WDR19: variants seen among roughly 807,000 people sequenced by gnomAD.
WDR19 encodes the protein WD repeat-containing protein 19.
In WDR19, 121 loss-of-function variants were observed where a neutral mutation model predicts 180.0. The observed-to-expected ratio is 0.67, with a 90% CI of 0.58 to 0.78. WDR19 has a LOEUF of 0.78. Among genes scored for constraint, WDR19 ranks in the 30% least tolerant of loss-of-function variants. The pLI is 0.00. For synonymous variants in WDR19, 497 were observed against 540.7 expected (o/e 0.92, Z 1.12); for missense variants, 1,450 against 1,640.7 (o/e 0.88, Z 2.01).
At chr4:39,224,852 A>AT (rs753332262) in intron 14 of WDR19, 32 bp from the exon 15 acceptor site, 63 of 1,471,048 alleles carry the variant, frequency 4.3e-5, no homozygotes, top group Middle Eastern at 4.4e-4. Context: ...TACCTTTTAT[A>AT]TTTTCATGGC....
At position 39,218,288 on chromosome 4, in the gene WDR19, C is replaced by T. The variant is rs577114034; in HGVS notation, c.1479+183C>T. Reference sequence around the variant, plus strand: ...TGCAGTGGGGATACATTCTGAGAAACGTGTCATTGGGCAATTTCATCATTG... The same window carrying T: ...TGCAGTGGGGATACATTCTGAGAAATGTGTCATTGGGCAATTTCATCATTG... On this transcript the variant is annotated intron_variant, in intron 14 of 36. Coordinates refer to ENST00000399820, the MANE Select transcript of WDR19 (RefSeq NM_025132.4). 534 of 800,486 alleles carry T rather than the reference C, an allele frequency of 6.7e-4. 1 individual carries two copies. In the African/African-American group the frequency reaches 7.3e-3, roughly 11 times the overall value. The allele number at this position is 800,486 out of a possible 1,614,324, so 49.6% of individuals were successfully genotyped here. A position where few individuals can be genotyped will look rare whatever the true frequency, so the allele number is the denominator to read the frequency against.
chr4:39,249,240 G>A (rs1273505276), intron 24 of WDR19, among the ~76,000 whole-genome samples: 1 of 152,108 alleles, frequency 6.6e-6, no homozygotes, highest in East Asian at 1.9e-4. Flanking sequence ...GCTCCTGAAT[G>A]ACTACTGGGT....
intron 23 of WDR19, among the ~76,000 whole-genome samples, chr4:39,245,064 G>A (rs1457139621): frequency 6.6e-6 from 1 of 151,118 alleles, no homozygotes; most frequent in Non-Finnish European, 1.5e-5. Flanking sequence ...AGCCTCCTGA[G>A]TAGCTGGGAT....
chr4:39,201,322 C>T (rs1196056392), intron 6 of WDR19, among the ~76,000 whole-genome samples: 1 of 152,162 alleles, frequency 6.6e-6, no homozygotes, highest in Non-Finnish European at 1.5e-5. Flanking sequence ...ACTTGATCTG[C>T]AAGATGCATT....
chr4:39,190,007 T>C lies in WDR19; in HGVS notation c.290+226T>C, dbSNP rs6814134. Among the ~76,000 whole-genome samples, 15,282 of 152,266 alleles carry C rather than the reference T, an allele frequency of 0.1. 911 individuals carry two copies. Among genetic ancestry groups the C allele is most frequent in the East Asian group, 0.21 (1,095 of 5,182 alleles). ...GCTTTCAGTGGAACAGACTAAGAAG[T>C]GCAGAGATGAGACAAAATATATATG... On this transcript the variant is annotated intron_variant, in intron 4 of 36. Coordinates refer to ENST00000399820, the MANE Select transcript of WDR19 (RefSeq NM_025132.4).
intron 5 of WDR19, among the ~76,000 whole-genome samples, chr4:39,196,508 A>T (rs1306906554): frequency 6.6e-6 from 1 of 152,186 alleles, no homozygotes; most frequent in Non-Finnish European, 1.5e-5. Context: ...TTTGTCAGAA[A>T]ATCTTACAGA....
intron 29 of WDR19, among the ~76,000 whole-genome samples, chr4:39,267,179 GGT>G (rs1391444202): frequency 6.6e-6 from 1 of 152,122 alleles, no homozygotes; most frequent in Non-Finnish European, 1.5e-5. Flanking sequence ...TCCCAGTCCT[GGT>G]GAGGAGAGAC....
At chr4:39,283,537 T>C (rs1419684325) in intron 36 of WDR19, among the ~76,000 whole-genome samples, 1 of 152,168 alleles carries the variant, frequency 6.6e-6, no homozygotes, top group African/African-American at 2.4e-5. Flanking sequence ...CATTTGATTC[T>C]TCTATTGACT....
chr4:39,221,455 TATC>T (rs779335464), intron 14 of WDR19, among the ~76,000 whole-genome samples: 1 of 152,184 alleles, frequency 6.6e-6, no homozygotes, highest in Non-Finnish European at 1.5e-5. Flanking sequence ...ATTCAGAAAA[TATC>T]ATGTTTTTTG....
chr4:39,266,449 A>G (rs530505170), intron 29 of WDR19, among the ~76,000 whole-genome samples: 2 of 152,346 alleles, frequency 1.3e-5, no homozygotes, highest in African/African-American at 4.8e-5. Flanking sequence ...ACTGCATTCA[A>G]TGCTGTCCAG....
In WDR19 at chr4:39,251,480, G is replaced by A. The variant is rs1442241232; in HGVS notation, c.2730-1666G>A. Among the ~76,000 whole-genome samples the A allele has an allele frequency of 3.3e-5, 5 of 151,466 alleles. No homozygotes were observed. In the South Asian group the frequency reaches 1.0e-3, roughly 32 times the overall value. Reference sequence around the variant, plus strand: ...GGACTTCATGTCTAAAACACCAAAAGCAATGGCAACAAAAGCCAAAATTGA... The same window carrying A: ...GGACTTCATGTCTAAAACACCAAAAACAATGGCAACAAAAGCCAAAATTGA... On this transcript the variant is annotated intron_variant, in intron 24 of 36. Transcript: ENST00000399820.
chr4:39,280,054 A>G (rs2109531240), intron 36 of WDR19, among the ~76,000 whole-genome samples: 1 of 144,018 alleles, frequency 6.9e-6, no homozygotes, highest in South Asian at 2.2e-4. Context: ...TATGTTCTAG[A>G]TACAAGTTCT....
intron 7 of WDR19, among the ~76,000 whole-genome samples, chr4:39,204,843 G>C (rs1414495372): frequency 6.6e-6 from 1 of 152,120 alleles, no homozygotes; most frequent in African/African-American, 2.4e-5. Context: ...ATTTGCAGTG[G>C]AACTGTCAGA....
intron 20 of WDR19, among the ~76,000 whole-genome samples, chr4:39,239,644 A>G (rs1731709914): frequency 6.6e-6 from 1 of 152,224 alleles, no homozygotes; most frequent in Admixed American, 6.5e-5. Flanking sequence ...ACAAAGCTGC[A>G]CATCCTGCAC....
chr4:39,200,199 A>C (rs1471311242), intron 6 of WDR19, among the ~76,000 whole-genome samples: 5 of 152,258 alleles, frequency 3.3e-5, no homozygotes, highest in Non-Finnish European at 2.9e-5. Context: ...ACATTCTTTG[A>C]ATACCTGCTA....
chr4:39,199,141 G>A (rs1462730027), intron 5 of WDR19, among the ~76,000 whole-genome samples: 1 of 152,176 alleles, frequency 6.6e-6, no homozygotes, highest in Non-Finnish European at 1.5e-5. Flanking sequence ...ACTCTAGCCT[G>A]GATGACAGAG....
At chr4:39,265,562 A>G (rs1734702331) in intron 28 of WDR19, among the ~76,000 whole-genome samples, 2 of 151,958 alleles carry the variant, frequency 1.3e-5, no homozygotes, top group Non-Finnish European at 2.9e-5. Context: ...TCACAAGGTC[A>G]GGAGATCGAG....
At chr4:39,267,286 G>A (rs1247590509) in intron 29 of WDR19, among the ~76,000 whole-genome samples, 4 of 152,072 alleles carry the variant, frequency 2.6e-5, no homozygotes, top group African/African-American at 9.7e-5. Context: ...GATTGGAAAC[G>A]AGGGCAATAG....
chr4:39,188,855 A>G (rs1266280280), intron 3 of WDR19, among the ~76,000 whole-genome samples: 1 of 151,932 alleles, frequency 6.6e-6, no homozygotes, highest in Non-Finnish European at 1.5e-5. Flanking sequence ...GGCTCAAGTA[A>G]TCTTCCCACT....
Sources: gnomAD v4.1 joint callset for allele counts (sites outside exome capture counted in the v4.1 genomes callset) on GRCh38, gnomAD v4.1.1 for gene constraint, MANE v1.5 for transcripts, NCBI Gene and HGNC (gene_info 2026-07-23, HGNC 2026-07-21) for gene names.